Variants in DOCK2 observed in about 807,000 individuals in gnomAD.
DOCK2 encodes dedicator of cytokinesis 2, also known as dedicator of cytokinesis protein 2.
In DOCK2, 87 loss-of-function variants were observed where a neutral mutation model predicts 248.9. That is an observed-to-expected ratio of 0.35 (90% confidence interval 0.29 to 0.42). The LOEUF is 0.42. Among genes scored for constraint, DOCK2 ranks in the 10% least tolerant of loss-of-function variants. The pLI is 1.00. For missense variants in DOCK2, 1,747 were observed against 2,300.2 expected, an observed-to-expected ratio of 0.76 and a Z score of 4.92; for synonymous variants, 805 against 821.6, an observed-to-expected ratio of 0.98 and a Z score of 0.35.
chr5:170,032,481 G>A (rs992220378), intron 34 of DOCK2, among the ~76,000 whole-genome samples: 1 of 152,170 alleles, frequency 6.6e-6, no homozygotes, highest in Non-Finnish European at 1.5e-5. Context: ...TCTATCATGT[G>A]ACCAGGGCTG....
Position 169,803,147 on chromosome 5 carries a change from A to G in DOCK2, c.2644A>G (p.Arg882Gly), listed in dbSNP as rs1292904719. 1.2e-6 allele frequency: 2 copies of G among 1,614,144 alleles called. No individual in the cohort carries two copies. Residue 882 changes from arginine to glycine, a missense_variant, in exon 26 of 52, where the codon AGG (arginine) becomes GGG (glycine). Physicochemically the swap from Arg to Gly is moderately radical, Grantham distance 125. This residue lies in a region of DOCK2 where 858 missense variants were observed against 1,183.5 expected (regional missense o/e 0.72). Coordinates refer to ENST00000520908, the MANE Select transcript of DOCK2 (RefSeq NM_004946.3). ...KDDMQHQVLE[R>G]KYCVELLNSI... ...TGACATGCAACACCAGGTCCTGGAGAGGAAGTACTGCGTTGAATTGCTCAA... is the reference window on the plus strand; with the variant it reads ...TGACATGCAACACCAGGTCCTGGAGGGGAAGTACTGCGTTGAATTGCTCAA...
chr5:169,889,449 T>G (rs1457903326), intron 27 of DOCK2, among the ~76,000 whole-genome samples: 1 of 152,208 alleles, frequency 6.6e-6, no homozygotes, highest in Non-Finnish European at 1.5e-5. Context: ...GAAAGGACCT[T>G]GTAATGCCAA....
At chr5:169,774,893 T>TTTGTTGTTG (rs71575576) in intron 25 of DOCK2, among the ~76,000 whole-genome samples, 48 of 150,746 alleles carry the variant, frequency 3.2e-4, no homozygotes, top group African/African-American at 1.1e-3. Flanking sequence ...ATGACTGTTT[T>TTTGTTGTTG]TTGTTGTTGT....
At chr5:169,740,163 C>CCTGCTTTT (rs746160100) in intron 22 of DOCK2, among the ~76,000 whole-genome samples, 40 of 152,346 alleles carry the variant, frequency 2.6e-4, no homozygotes, top group Non-Finnish European at 4.4e-4. Context: ...AAGTTCTTTT[C>CCTGCTTTT]AGGCTTTTTC....
At chr5:169,700,165 C>A in intron 13 of DOCK2, 26 bp downstream of exon 13, 1 of 1,608,640 alleles carries the variant, frequency 6.2e-7, no homozygotes, top group South Asian at 1.1e-5. Flanking sequence ...TCTGACCTTC[C>A]CCTGGGGACA....
chr5:169,802,141 C>T (rs1446787138), intron 25 of DOCK2, among the ~76,000 whole-genome samples: 5 of 152,170 alleles, frequency 3.3e-5, no homozygotes, highest in Non-Finnish European at 7.3e-5. Flanking sequence ...GAGACATACC[C>T]TTCTCTGCAA....
intron 25 of DOCK2, among the ~76,000 whole-genome samples, chr5:169,765,577 G>A (rs1764733219): frequency 6.6e-6 from 1 of 152,210 alleles, no homozygotes; most frequent in African/African-American, 2.4e-5. Context: ...CAAGAAATGT[G>A]TCTTTTTAGT....
At chr5:169,965,126 T>C (rs1404649453) in intron 27 of DOCK2, among the ~76,000 whole-genome samples, 2 of 152,182 alleles carry the variant, frequency 1.3e-5, no homozygotes, top group Admixed American at 1.3e-4. Context: ...TGTTACTTGA[T>C]GGTTAATGAG....
intron 29 of DOCK2, among the ~76,000 whole-genome samples, chr5:169,991,166 G>C (rs1463711011): frequency 6.6e-6 from 1 of 152,242 alleles, no homozygotes; most frequent in Non-Finnish European, 1.5e-5. Flanking sequence ...GTAGGACTCT[G>C]TGTGCACCTT....
At chr5:169,976,586 A>AG (rs1298847149) in intron 27 of DOCK2, among the ~76,000 whole-genome samples, 1 of 152,244 alleles carries the variant, frequency 6.6e-6, no homozygotes, top group African/African-American at 2.4e-5. Flanking sequence ...GATCTCAAAA[A>AG]GAAAAAAAAG....
At chr5:169,714,748 T>TAATATAAAAGTGACATAGTTCTC in intron 19 of DOCK2, among the ~76,000 whole-genome samples, 1 of 152,180 alleles carries the variant, frequency 6.6e-6, no homozygotes, top group Non-Finnish European at 1.5e-5. Flanking sequence ...CTTTATGTGA[T>TAATATAAAAGTGACATAGTTCTC]AATATAAAAG....
At chr5:169,773,949 CT>C (rs1765240560) in intron 25 of DOCK2, among the ~76,000 whole-genome samples, 1 of 152,148 alleles carries the variant, frequency 6.6e-6, no homozygotes, top group Non-Finnish European at 1.5e-5. Context: ...CTTTTGCCCC[CT>C]GCCATTATTG....
chr5:169,666,533 C>T (rs1370145894), intron 2 of DOCK2, among the ~76,000 whole-genome samples: 3 of 152,146 alleles, frequency 2.0e-5, no homozygotes, highest in Non-Finnish European at 4.4e-5. Context: ...GTCCACTGTC[C>T]AGGAATTTTT....
At chr5:169,700,815 T>G (rs1320768767) in intron 13 of DOCK2, among the ~76,000 whole-genome samples, 1 of 151,534 alleles carries the variant, frequency 6.6e-6, no homozygotes, top group Non-Finnish European at 1.5e-5. Context: ...TCATCAAACC[T>G]AAACTAAACT....
At chr5:169,841,459 T>A in intron 27 of DOCK2, 3 of 985,560 alleles carry the variant, frequency 3.0e-6, no homozygotes. Flanking sequence ...GACCCAAAAT[T>A]CAAATGCTTT....
At chr5:169,658,649 A>G (rs2113210011) in intron 2 of DOCK2, among the ~76,000 whole-genome samples, 1 of 152,134 alleles carries the variant, frequency 6.6e-6, no homozygotes, top group East Asian at 1.9e-4. Flanking sequence ...TTTTCTGTGT[A>G]ATGGGATTCA....
intron 27 of DOCK2, among the ~76,000 whole-genome samples, chr5:169,941,178 A>G (rs1420877605): frequency 2.0e-5 from 3 of 152,196 alleles, no homozygotes; most frequent in Admixed American, 2.0e-4. Flanking sequence ...TGTGAGCTCC[A>G]GAAAGGTGCT....
rs997250499 is a variant in DOCK2 at position 169,695,705 on chromosome 5, T to C, written c.844-98T>C. 4 of 1,545,534 alleles carry C rather than the reference T, an allele frequency of 2.6e-6. No individual in the cohort carries two copies. In the African/African-American group the frequency reaches 5.6e-5, roughly 22 times the overall value. ...ATTGGTCCATGTATAGCAAGTATTA[T>C]ATACATCCCTCAGAAATTACTATTA... is the stretch of plus-strand genomic sequence containing the variant. On this transcript the variant is annotated intron_variant, in intron 9 of 51. Coordinates refer to ENST00000520908, the MANE Select transcript of DOCK2 (RefSeq NM_004946.3).
At chr5:170,039,218 T>C (rs1756427312) in intron 36 of DOCK2, among the ~76,000 whole-genome samples, 1 of 152,140 alleles carries the variant, frequency 6.6e-6, no homozygotes. Flanking sequence ...TGTTTCTGCC[T>C]GGGAAGCTCT....
Sources: allele counts gnomAD v4.1 joint callset (sites outside exome capture counted in the v4.1 genomes callset), GRCh38; gene constraint gnomAD v4.1.1; regional missense constraint gnomAD v4.1.1; transcripts MANE v1.5; gene names NCBI Gene and HGNC (gene_info 2026-07-23, HGNC 2026-07-21).